Variants in TFF3 observed in about 807,000 individuals in gnomAD.
TFF3 encodes the protein trefoil factor 3.
TFF3 carries 6 observed loss-of-function variants against 9.7 expected under a neutral mutation model. The ratio of observed to expected loss-of-function variants is 0.62; its 90% confidence interval spans 0.34 to 1.22. The LOEUF is 1.22. Among genes scored for constraint, TFF3 ranks in the 50% most tolerant of loss-of-function variants. TFF3 has a pLI of 0.04. For synonymous variants in TFF3, 48 were observed against 41.4 expected (o/e 1.16, Z -0.61); for missense variants, 93 against 98.6 (o/e 0.94, Z 0.24).
chr21:42,313,451 C>G lies in TFF3; in HGVS notation c.229+34G>C. 1 of 1,586,244 alleles carries G rather than the reference C, an allele frequency of 6.3e-7. No homozygotes were observed. ...CCCTGAGACCCCCTGCCTTATGGGG[C>G]TGGGCCCAGACCACGATGCCACTGG... is the stretch of plus-strand genomic sequence containing the variant. On this transcript the variant is annotated intron_variant, in intron 2 of 2. Coordinates refer to ENST00000518498, the MANE Select transcript of TFF3 (RefSeq NM_003226.4). This position sits in a 1 kb window ranked among gnomAD's most constrained non-coding sequence, Gnocchi z 4.0.
At chr21:42,312,562 C>T (rs986778709) in intron 2 of TFF3, among the ~76,000 whole-genome samples, 5 of 152,120 alleles carry the variant, frequency 3.3e-5, no homozygotes, top group Non-Finnish European at 5.9e-5. Flanking sequence ...GGAACAGGAC[C>T]GGCAGTGGAC....
intron 1 of TFF3, among the ~76,000 whole-genome samples, chr21:42,314,778 C>A (rs1051144846): frequency 6.6e-6 from 1 of 152,178 alleles, no homozygotes; most frequent in African/African-American, 2.4e-5. Context: ...GAACCACTGC[C>A]TTTGACCCTG....
In TFF3 at chr21:42,313,611, G is replaced by A; in HGVS notation, c.103C>T (p.Pro35Ser). ...CCGCAGTCCACCCTGTCCTTGGCTG[G>A]CACGGCACACTGGTTTGCAGCTGTC... ...VGLSANQCAVPAKDRVDCGYP... is the reference protein window; with the variant it reads ...VGLSANQCAVSAKDRVDCGYP... The change falls in exon 2 of 3, where the codon CCA becomes TCA. Residue 35 changes from proline (P) to serine (S), a missense_variant. By Grantham distance (74) the Pro-to-Ser change is moderately conservative. Coordinates refer to ENST00000518498, the MANE Select transcript of TFF3 (RefSeq NM_003226.4). This position sits in a 1 kb window ranked among gnomAD's most constrained non-coding sequence, Gnocchi z 4.0. 6.2e-7 allele frequency: 1 copy of A among 1,610,166 alleles called. No homozygotes were observed. Among genetic ancestry groups the A allele is most frequent in the Non-Finnish European group, 8.5e-7 (1 of 1,179,104 alleles).
chr21:42,313,709 T>C lies in TFF3; in HGVS notation c.83-78A>G, dbSNP rs764668981. The C allele has an allele frequency of 4.0e-6, 6 of 1,494,950 alleles. No individual in the cohort carries two copies. The highest frequency in any genetic ancestry group is 5.4e-6 in the Non-Finnish European group (6 of 1,114,508). The allele number at this position is 1,494,950 out of a possible 1,614,324, so 92.6% of individuals were successfully genotyped here. A position where few individuals can be genotyped will look rare whatever the true frequency, so the allele number is the denominator to read the frequency against. ...AGTGTGTTTGCTTCACTTTGCAAGT[T>C]TGCATCCTCCCGCTCCGCCCCACCC... is the stretch of plus-strand genomic sequence containing the variant. On this transcript the variant is annotated intron_variant, in intron 1 of 2. Transcript: ENST00000518498. The surrounding 1 kb of genome is among the most constrained non-coding windows in gnomAD (Gnocchi z 4.0).
intron 2 of TFF3, 112 bp from the exon 3 acceptor site, chr21:42,312,381 A>T: frequency 9.2e-6 from 12 of 1,309,578 alleles, no homozygotes; most frequent in Non-Finnish European, 1.3e-5. Context: ...TCCTCCCCAG[A>T]GTCACCGGGG....
At chr21:42,312,717 G>A (rs931172949) in intron 2 of TFF3, among the ~76,000 whole-genome samples, 10 of 152,144 alleles carry the variant, frequency 6.6e-5, no homozygotes, top group East Asian at 1.9e-4. Context: ...TCAGCCTCCC[G>A]CATTTCACCC....
In TFF3 at chr21:42,315,137, A is replaced by G. The variant is rs2069351255; in HGVS notation, c.82+156T>C. ...TGAGCCTCGGTTTCCTTGTCTGTGA[A>G]ATGGGGACAATAAAGACCCACTTCA... On this transcript the variant is annotated intron_variant, in intron 1 of 2. Transcript: ENST00000518498. Among the ~76,000 whole-genome samples, 7 of 152,234 alleles carry G rather than the reference A, an allele frequency of 4.6e-5. No homozygotes were observed. The South Asian group carries it at 1.4e-3, about 32-fold the overall frequency.
Position 42,313,712 on chromosome 21 carries a change from C to T in TFF3, c.83-81G>A, listed in dbSNP as rs533909738. The T allele has an allele frequency of 9.5e-6, 14 of 1,477,382 alleles. No individual in the cohort carries two copies. The East Asian group carries it at 3.1e-4, about 33-fold the overall frequency. 91.5% of individuals were successfully genotyped at this position (1,477,382 alleles called of 1,614,324 possible). On this transcript the variant is annotated intron_variant, in intron 1 of 2. Coordinates refer to ENST00000518498, the MANE Select transcript of TFF3 (RefSeq NM_003226.4). The surrounding 1 kb of genome is among the most constrained non-coding windows in gnomAD (Gnocchi z 4.0). ...GTGTTTGCTTCACTTTGCAAGTTTG[C>T]ATCCTCCCGCTCCGCCCCACCCCGC...
intron 2 of TFF3, among the ~76,000 whole-genome samples, chr21:42,312,844 A>G (rs538407): frequency 0.6 from 91,345 of 152,054 alleles, 28,733 homozygotes; most frequent in African/African-American, 0.78. Flanking sequence ...GCTTATAGCC[A>G]ATCGCCCCAC....
rs2069341866 is a variant in TFF3 at position 42,313,460 on chromosome 21, G to C, written c.229+25C>G. ...CCCCTGCCTTATGGGGCTGGGCCCA[G>C]ACCACGATGCCACTGGGGCCTTACC... is the stretch of plus-strand genomic sequence containing the variant. On this transcript the variant is annotated intron_variant, in intron 2 of 2. Coordinates refer to ENST00000518498, the MANE Select transcript of TFF3 (RefSeq NM_003226.4). The surrounding 1 kb of genome is among the most constrained non-coding windows in gnomAD (Gnocchi z 4.0). The C allele has an allele frequency of 6.3e-7, 1 of 1,595,518 alleles. No homozygotes were observed. Among genetic ancestry groups the C allele is most frequent in the Admixed American group, 1.7e-5 (1 of 57,800 alleles).
Position 42,313,701 on chromosome 21 carries a change from T to A in TFF3, c.83-70A>T. On this transcript the variant is annotated intron_variant, in intron 1 of 2. Coordinates refer to ENST00000518498, the MANE Select transcript of TFF3 (RefSeq NM_003226.4). The surrounding 1 kb of genome is among the most constrained non-coding windows in gnomAD (Gnocchi z 4.0). Reference sequence around the variant, plus strand: ...CTGCGGTGAGTGTGTTTGCTTCACTTTGCAAGTTTGCATCCTCCCGCTCCG... The same window carrying A: ...CTGCGGTGAGTGTGTTTGCTTCACTATGCAAGTTTGCATCCTCCCGCTCCG... 1.3e-6 allele frequency: 2 copies of A among 1,510,476 alleles called. No homozygotes were observed. The highest frequency in any genetic ancestry group is 1.8e-6 in the Non-Finnish European group (2 of 1,123,360). The allele number at this position is 1,510,476 out of a possible 1,614,324, so 93.6% of individuals were successfully genotyped here.
chr21:42,314,729 T>C (rs118005147), intron 1 of TFF3, among the ~76,000 whole-genome samples: 42 of 152,288 alleles, frequency 2.8e-4, no homozygotes, highest in Non-Finnish European at 5.4e-4. Flanking sequence ...TTAGGATTTT[T>C]AAAGCTCTCC....
rs562900013 is a variant in TFF3, at chr21:42,313,571, G to T, written c.143C>A (p.Thr48Asn). Residue 48 changes from threonine to asparagine, a missense_variant, in exon 2 of 3, where the codon ACC becomes AAC. Transcript: ENST00000518498. This position sits in a 1 kb window ranked among gnomAD's most constrained non-coding sequence, Gnocchi z 4.0. ...GCCCCGGTTGTTGCACTCCTTGGGGGTGACATGGGGGTAGCCGCAGTCCAC... is the reference window on the plus strand; with the variant it reads ...GCCCCGGTTGTTGCACTCCTTGGGGTTGACATGGGGGTAGCCGCAGTCCAC... ...DRVDCGYPHV[T>N]PKECNNRGCC... 2 of 1,611,218 alleles carry T rather than the reference G, an allele frequency of 1.2e-6. No homozygotes were observed. Among genetic ancestry groups the T allele is most frequent in the Non-Finnish European group, 1.7e-6 (2 of 1,179,600 alleles).
At position 42,312,056 on chromosome 21, in the gene TFF3, G is replaced by T; in HGVS notation, c.*200C>A. 1 of 758,782 alleles carries T rather than the reference G, an allele frequency of 1.3e-6. No homozygotes were observed. The highest frequency in any genetic ancestry group is 2.4e-6 in the Non-Finnish European group (1 of 422,826). The allele number at this position is 758,782 out of a possible 1,614,324, so 47.0% of individuals were successfully genotyped here. On this transcript the variant is annotated 3_prime_UTR_variant, in exon 3 of 3. Coordinates refer to ENST00000518498, the MANE Select transcript of TFF3 (RefSeq NM_003226.4). The stretch of plus-strand genomic sequence containing the variant: ...TAAAGCACAACCTCAGAAAGTCTCA[G>T]GCACGAAGAACTGTCCTCGGGTGGA...
Position 42,315,346 on chromosome 21 carries a change from C to A in TFF3, c.29G>T (p.Gly10Val). 1 of 1,614,180 alleles carries A rather than the reference C, an allele frequency of 6.2e-7. No individual in the cohort carries two copies. The highest frequency in any genetic ancestry group is 1.3e-5 in the African/African-American group (1 of 75,058). MAARALCML[G>V]LVLALLSSSS... ...GGAGGACAGCAAGGCCAGGACCAGC[C>A]CCAGCATGCAGAGCGCTCTGGCAGC... is the stretch of plus-strand genomic sequence containing the variant. Residue 10 changes from glycine to valine, a missense_variant, in exon 1 of 3, where the codon GGG (glycine) becomes GTG (valine). By Grantham distance (109) the Gly-to-Val change is moderately radical. Coordinates refer to ENST00000518498, the MANE Select transcript of TFF3 (RefSeq NM_003226.4).
rs982224659 is a variant in TFF3 at position 42,313,285 on chromosome 21, T to C, written c.229+200A>G. Among the ~76,000 whole-genome samples, 1 of 152,172 alleles carries C rather than the reference T, an allele frequency of 6.6e-6. No individual in the cohort carries two copies. The highest frequency in any genetic ancestry group is 2.4e-5 in the African/African-American group (1 of 41,448). On this transcript the variant is annotated intron_variant, in intron 2 of 2. Coordinates refer to ENST00000518498, the MANE Select transcript of TFF3 (RefSeq NM_003226.4). This position sits in a 1 kb window ranked among gnomAD's most constrained non-coding sequence, Gnocchi z 4.0. ...GAAACAATTGCTTTTATGTTTTACA[T>C]AAAGGGGACAGAAGAGGACAGCCCC...
At position 42,313,361 on chromosome 21, in the gene TFF3, G is replaced by GGTGT; in HGVS notation, c.229+120_229+123dup. On this transcript the variant is annotated intron_variant, in intron 2 of 2. Transcript: ENST00000518498. The surrounding 1 kb of genome is among the most constrained non-coding windows in gnomAD (Gnocchi z 4.0). Reference sequence around the variant, plus strand: ...GCCTCTGCTCTGAGGCCTTGGAACAGGTGTGTGTGTGTGGCTTCCTGGGGT... The same window carrying GGTGT: ...GCCTCTGCTCTGAGGCCTTGGAACAGGTGTGTGTGTGTGTGTGGCTTCCTGGGGT... The GGTGT allele has an allele frequency of 8.5e-7, 1 of 1,178,376 alleles. No homozygotes were observed. The highest frequency in any genetic ancestry group is 1.2e-6 in the Non-Finnish European group (1 of 854,608). The allele number at this position is 1,178,376 out of a possible 1,614,324, so 73.0% of individuals were successfully genotyped here.
chr21:42,312,266 C>A lies in TFF3; in HGVS notation c.233G>T (p.Cys78Phe). The A allele has an allele frequency of 6.2e-7, 1 of 1,609,224 alleles. No individual in the cohort carries two copies. The highest frequency in any genetic ancestry group is 1.1e-5 in the South Asian group (1 of 90,430). Residue 78 changes from cysteine (C) to phenylalanine (F), a missense_variant, in exon 3 of 3, where the codon TGC becomes TTC. Coordinates refer to ENST00000518498, the MANE Select transcript of TFF3 (RefSeq NM_003226.4). ...WCFKPLQEAE[C>F]TF The stretch of plus-strand genomic sequence containing the variant: ...GCAGCTGGAGGTGCCTCAGAAGGTG[C>A]ATTCTGCAAACAGAGCAAAGGCTTG...
Position 42,313,422 on chromosome 21 carries a change from G to T in TFF3, c.229+63C>A. 1 of 1,543,232 alleles carries T rather than the reference G, an allele frequency of 6.5e-7. No homozygotes were observed. The highest frequency in any genetic ancestry group is 8.7e-7 in the Non-Finnish European group (1 of 1,146,282). ...CCATCTCCAGCCCAGAAAGGACAGG[G>T]AGGCCCTGAGACCCCCTGCCTTATG... On this transcript the variant is annotated intron_variant, in intron 2 of 2. Transcript: ENST00000518498. This position sits in a 1 kb window ranked among gnomAD's most constrained non-coding sequence, Gnocchi z 4.0.
Sources: gnomAD v4.1 joint callset for allele counts (sites outside exome capture counted in the v4.1 genomes callset) on GRCh38, gnomAD v4.1.1 for gene constraint, Gnocchi (gnomAD v3.1) non-coding constraint, MANE v1.5 for transcripts, NCBI Gene and HGNC (gene_info 2026-07-23, HGNC 2026-07-21) for gene names.